MAMDC2: variants seen among roughly 807,000 people sequenced by gnomAD.
The protein encoded by MAMDC2 is MAM domain-containing protein 2.
In MAMDC2, 57 loss-of-function variants were observed where a neutral mutation model predicts 89.8. The ratio of observed to expected loss-of-function variants is 0.63; its 90% CI spans 0.51 to 0.79. MAMDC2 has a LOEUF of 0.79. MAMDC2 is among the 30% of genes least tolerant of loss of function. The probability of loss-of-function intolerance (pLI) is 0.00; values close to 1 mark genes in which losing one functional copy is unlikely to be tolerated. For synonymous variants in MAMDC2, 313 were observed against 293.4 expected, an observed-to-expected ratio of 1.07 and a Z score of -0.68; for missense variants, 800 against 820.6, an observed-to-expected ratio of 0.97 and a Z score of 0.31.
chr9:70,172,028 A>G (rs1413448839), intron 11 of MAMDC2: 1 of 152,216 alleles, frequency 6.6e-6, no homozygotes, highest in Non-Finnish European at 1.5e-5. Flanking sequence ...TTGGCTAAAC[A>G]TGGTAGAATG....
chr9:70,099,218 T>C (rs1373122298), intron 2 of MAMDC2, among the ~76,000 whole-genome samples: 1 of 152,212 alleles, frequency 6.6e-6, no homozygotes, highest in Admixed American at 6.5e-5. Context: ...AAAACTCAGA[T>C]ATTAATAGTC....
At chr9:70,158,792 T>C (rs1412326559) in intron 9 of MAMDC2, among the ~76,000 whole-genome samples, 7 of 152,154 alleles carry the variant, frequency 4.6e-5, no homozygotes, top group African/African-American at 1.7e-4. Context: ...ACCTAGACTG[T>C]ATGGTATAGC....
At chr9:70,145,434 C>T (rs1012624677) in intron 9 of MAMDC2, among the ~76,000 whole-genome samples, 1 of 152,180 alleles carries the variant, frequency 6.6e-6, no homozygotes, top group African/African-American at 2.4e-5. Context: ...TTGAACTTTC[C>T]TCTTCGATTT....
chr9:70,118,035 TGC>T (rs2030087721), intron 5 of MAMDC2, among the ~76,000 whole-genome samples: 1 of 152,148 alleles, frequency 6.6e-6, no homozygotes, highest in Non-Finnish European at 1.5e-5. Flanking sequence ...TTTGGCCAGA[TGC>T]ATAAGGGGGA....
chr9:70,184,008 G>A (rs2032698600), intron 11 of MAMDC2, among the ~76,000 whole-genome samples: 1 of 152,192 alleles, frequency 6.6e-6, no homozygotes, highest in East Asian at 1.9e-4. Flanking sequence ...CGTATTTGCA[G>A]TAGCTGGTAC....
intron 2 of MAMDC2, among the ~76,000 whole-genome samples, chr9:70,068,159 A>G (rs1827312115): frequency 2.0e-5 from 3 of 152,228 alleles, no homozygotes; most frequent in Admixed American, 2.0e-4. Context: ...TCTCAAAAGT[A>G]TGAGAGACTA....
At chr9:70,068,792 A>G (rs552894371) in intron 2 of MAMDC2, among the ~76,000 whole-genome samples, 4 of 151,622 alleles carry the variant, frequency 2.6e-5, no homozygotes, top group South Asian at 2.1e-4. Context: ...GACAAATGTG[A>G]TATGTGCAAC....
intron 11 of MAMDC2, among the ~76,000 whole-genome samples, chr9:70,173,616 G>A (rs1303399842): frequency 6.6e-6 from 1 of 152,120 alleles, no homozygotes; most frequent in Non-Finnish European, 1.5e-5. Flanking sequence ...CTTTTGTCAG[G>A]TATAGCAGTA....
chr9:70,154,619 G>A (rs764924338), intron 9 of MAMDC2, among the ~76,000 whole-genome samples: 1 of 150,174 alleles, frequency 6.7e-6, no homozygotes, highest in Non-Finnish European at 1.5e-5. Context: ...CCACCTCCTG[G>A]GCTCAAGCAG....
intron 11 of MAMDC2, among the ~76,000 whole-genome samples, chr9:70,191,968 T>A (rs1207151379): frequency 1.3e-5 from 2 of 152,148 alleles, no homozygotes; most frequent in African/African-American, 4.8e-5. Flanking sequence ...TGTCCCTGAA[T>A]GTTTTGTCTG....
At chr9:70,113,685 AG>A (rs1328946115) in intron 5 of MAMDC2, 1 of 151,012 alleles carries the variant, frequency 6.6e-6, no homozygotes, top group Non-Finnish European at 1.5e-5. Flanking sequence ...GTCAGCTTTG[AG>A]GAGAAGTCCT....
At chr9:70,063,803 C>T (rs1827203197) in intron 2 of MAMDC2, among the ~76,000 whole-genome samples, 1 of 151,938 alleles carries the variant, frequency 6.6e-6, no homozygotes, top group Admixed American at 6.6e-5. Flanking sequence ...ATTATCATTC[C>T]CATTTTACAG....
At position 70,215,756 on chromosome 9, in the gene MAMDC2, T is replaced by C. The variant is rs145577249; in HGVS notation, c.1652-2581T>C. Among the ~76,000 whole-genome samples, 551 of 152,304 alleles carry C rather than the reference T, an allele frequency of 3.6e-3. 12 individuals are homozygous for C. The highest frequency in any genetic ancestry group is 0.032 in the Admixed American group (482 of 15,296). On this transcript the variant is annotated intron_variant, in intron 11 of 13. Transcript: ENST00000377182. ...AGCGTCATTCCTTATATGTGACTGGTTGATGCAGGCCATATCCTGAGTCAG... is the reference window on the plus strand; with the variant it reads ...AGCGTCATTCCTTATATGTGACTGGCTGATGCAGGCCATATCCTGAGTCAG...
chr9:70,169,282 A>G (rs973139872), intron 10 of MAMDC2, among the ~76,000 whole-genome samples: 1 of 152,222 alleles, frequency 6.6e-6, no homozygotes, highest in African/African-American at 2.4e-5. Context: ...TGATGATAGT[A>G]GCAAAATAAA....
At chr9:70,143,038 G>C (rs1176477757) in intron 8 of MAMDC2, among the ~76,000 whole-genome samples, 1 of 152,114 alleles carries the variant, frequency 6.6e-6, no homozygotes, top group African/African-American at 2.4e-5. Context: ...TTCAAGGGCA[G>C]GTTTAACATT....
At chr9:70,220,528 TATACTC>T (rs1269705248) in intron 12 of MAMDC2, among the ~76,000 whole-genome samples, 2 of 152,302 alleles carry the variant, frequency 1.3e-5, no homozygotes, top group African/African-American at 4.8e-5. Flanking sequence ...ATAAAACAGA[TATACTC>T]ATGTGCACAT....
chr9:70,161,167 T>C (rs1157534034), intron 9 of MAMDC2, among the ~76,000 whole-genome samples: 1 of 152,026 alleles, frequency 6.6e-6, no homozygotes, highest in Non-Finnish European at 1.5e-5. Context: ...GGCCTAAAGA[T>C]CAGAAAATAA....
At chr9:70,087,625 C>T (rs1302093714) in intron 2 of MAMDC2, 2 of 152,102 alleles carry the variant, frequency 1.3e-5, no homozygotes, top group Non-Finnish European at 2.9e-5. Context: ...GGTCATGTAA[C>T]CATTCCTGGA....
At chr9:70,127,556 G>T (rs1224018615) in intron 6 of MAMDC2, among the ~76,000 whole-genome samples, 2 of 152,004 alleles carry the variant, frequency 1.3e-5, no homozygotes, top group African/African-American at 4.8e-5. Context: ...ATGGGTTTCG[G>T]TGGTGCCATC....
Sources: gnomAD v4.1 joint callset for allele counts (sites outside exome capture counted in the v4.1 genomes callset) on GRCh38, gnomAD v4.1.1 for gene constraint, MANE v1.5 for transcripts, NCBI Gene and HGNC (gene_info 2026-07-23, HGNC 2026-07-21) for gene names.